The following SARNP variants were observed in gnomAD, a reference collection of about 807,000 sequenced individuals.
The protein encoded by SARNP is SAP domain containing ribonucleoprotein.
A neutral mutation model predicts 38.1 loss-of-function variants in SARNP; 5 were observed. The ratio of observed to expected loss-of-function variants is 0.13; its 90% CI spans 0.07 to 0.28. The LOEUF (loss-of-function observed/expected upper bound fraction) is 0.28, where lower values mean the gene tolerates loss of function less well. Ranked by LOEUF, SARNP falls within the 10% of genes least tolerant of loss-of-function variation. The probability of loss-of-function intolerance (pLI) is 1.00; values close to 1 mark genes in which losing one functional copy is unlikely to be tolerated. For missense variants in SARNP, 180 were observed against 243.9 expected (o/e 0.74, Z 1.75); for synonymous variants, 84 against 80.6 (o/e 1.04, Z -0.23).
chr12:55,761,415 T>C (rs1345724670), intron 9 of SARNP: 2 of 152,178 alleles, frequency 1.3e-5, no homozygotes, highest in Non-Finnish European at 2.9e-5. Context: ...AAAACTTATT[T>C]GCTTGAAACA....
intron 9 of SARNP, among the ~76,000 whole-genome samples, chr12:55,770,873 G>A (rs547135634): frequency 6.6e-6 from 1 of 152,046 alleles, no homozygotes; most frequent in South Asian, 2.1e-4. Context: ...TGCCAAAAGG[G>A]GTCCAATTTG....
intron 1 of SARNP, among the ~76,000 whole-genome samples, chr12:55,815,687 C>T (rs1210826208): frequency 6.6e-6 from 1 of 152,096 alleles, no homozygotes; most frequent in Non-Finnish European, 1.5e-5. Context: ...TGGTCTCGAA[C>T]TCCTGGCCTC....
chr12:55,808,546 C>G (rs1880226058), intron 1 of SARNP, among the ~76,000 whole-genome samples: 1 of 152,160 alleles, frequency 6.6e-6, no homozygotes, highest in Non-Finnish European at 1.5e-5. Context: ...ATCCACCCGC[C>G]TCGGCCTCCC....
At chr12:55,779,368 G>A (rs1411474483) in intron 9 of SARNP, among the ~76,000 whole-genome samples, 1 of 152,086 alleles carries the variant, frequency 6.6e-6, no homozygotes, top group Non-Finnish European at 1.5e-5. Flanking sequence ...GTTTTTCTTG[G>A]TCCCATGGCT....
rs1195709334 is a variant in SARNP at position 55,782,018 on chromosome 12, T to G, written c.501+7057A>C. On this transcript the variant is annotated intron_variant, in intron 9 of 10. Coordinates refer to ENST00000336133, the MANE Select transcript of SARNP (RefSeq NM_033082.4). ...TGTGCCCAGTCTAAACTTTTTATAT[T>G]GTGACACTGTGTTAACACAGATCAT... is the stretch of plus-strand genomic sequence containing the variant. 2.6e-5 allele frequency among the ~76,000 whole-genome samples: 4 copies of G among 152,306 alleles called. No homozygotes were observed. The East Asian group carries it at 5.8e-4, about 22-fold the overall frequency.
chr12:55,815,956 G>A (rs774985860), intron 1 of SARNP: 2 of 152,248 alleles, frequency 1.3e-5, no homozygotes, highest in Non-Finnish European at 2.9e-5. Flanking sequence ...AAAAAGCAAA[G>A]ACAAGCAAAT....
intron 7 of SARNP, chr12:55,793,209 G>A (rs1372275751): frequency 6.6e-6 from 1 of 152,208 alleles, no homozygotes; most frequent in Non-Finnish European, 1.5e-5. Context: ...TTGAACCTGG[G>A]AGGCAGAGGT....
intron 1 of SARNP, among the ~76,000 whole-genome samples, chr12:55,813,824 G>C (rs1390432338): frequency 4.6e-5 from 7 of 152,132 alleles, no homozygotes; most frequent in Non-Finnish European, 8.8e-5. Context: ...GATTACAAGC[G>C]TGAGCCACTG....
intron 10 of SARNP, 132 bp from the exon 11 acceptor site, chr12:55,757,685 G>T: frequency 1.7e-6 from 1 of 603,332 alleles, no homozygotes; most frequent in Non-Finnish European, 2.9e-6. Flanking sequence ...ACTTGAGCTT[G>T]GTAGCTAGAG....
Position 55,794,380 on chromosome 12 carries a change from T to C in SARNP, c.385A>G (p.Ile129Val). ...KKAARAARFGISSVPTKGLSS... is the reference protein window; with the variant it reads ...KKAARAARFGVSSVPTKGLSS... Reference sequence around the variant, plus strand: ...TTACCTTTTGTTGGAACTGAAGAAATCCCAAACCTGAAGAAGGAAAAACAA... The same window carrying C: ...TTACCTTTTGTTGGAACTGAAGAAACCCCAAACCTGAAGAAGGAAAAACAA... The change falls in exon 7 of 11, where the codon ATT (isoleucine) becomes GTT (valine). Residue 129 changes from isoleucine (I) to valine (V), a missense_variant. By Grantham distance (29) the Ile-to-Val change is conservative. Transcript: ENST00000336133. The C allele has an allele frequency of 1.2e-6, 2 of 1,606,626 alleles. No homozygotes were observed. The highest frequency in any genetic ancestry group is 1.7e-6 in the Non-Finnish European group (2 of 1,178,230).
At chr12:55,796,193 C>T in intron 4 of SARNP, 117 bp from the exon 5 acceptor site, 1 of 682,018 alleles carries the variant, frequency 1.5e-6, no homozygotes, top group Non-Finnish European at 2.5e-6. Flanking sequence ...CTCTGCCACC[C>T]CCTAAGCCAA....
chr12:55,795,274 T>TA (rs1171330043), intron 5 of SARNP, among the ~76,000 whole-genome samples: 1 of 152,152 alleles, frequency 6.6e-6, no homozygotes, highest in Non-Finnish European at 1.5e-5. Context: ...GTAGGTATCT[T>TA]AAAAACATCA....
intron 7 of SARNP, 196 bp downstream of exon 7, chr12:55,794,163 A>C (rs979633765): frequency 1.7e-6 from 1 of 581,782 alleles, no homozygotes; most frequent in South Asian, 2.1e-5. Context: ...CTATCCTCTC[A>C]TAACATTCAG....
chr12:55,795,117 G>A (rs1324097836), intron 5 of SARNP, among the ~76,000 whole-genome samples: 1 of 151,990 alleles, frequency 6.6e-6, no homozygotes, highest in Non-Finnish European at 1.5e-5. Flanking sequence ...GTGCCACTGT[G>A]CCCAGCTAAT....
chr12:55,770,599 A>AGTT (rs1878979078), intron 9 of SARNP, among the ~76,000 whole-genome samples: 6 of 152,076 alleles, frequency 3.9e-5, no homozygotes, highest in Non-Finnish European at 7.4e-5. Flanking sequence ...TATATACTGT[A>AGTT]GCCAGGAAGT....
chr12:55,766,616 C>CGGG (rs58583137), intron 9 of SARNP, among the ~76,000 whole-genome samples: 50 of 38,106 alleles, frequency 1.3e-3, no homozygotes, highest in African/African-American at 2.2e-3. Context: ...GTTTTTTTGG[C>CGGG]GGGGGGGGGG....
At position 55,817,676 on chromosome 12, in the gene SARNP, T is replaced by G. The variant is rs1240209370; in HGVS notation, c.26A>C (p.His9Pro). 1 of 1,612,980 alleles carries G rather than the reference T, an allele frequency of 6.2e-7. No individual in the cohort carries two copies. The highest frequency in any genetic ancestry group is 1.3e-5 in the African/African-American group (1 of 74,888). Reference sequence around the variant, plus strand: ...CCCGATTCACGGTACCTTTAGCTTATGGAGCTCCACCGTCTCGGTCGCCAT... The same window carrying G: ...CCCGATTCACGGTACCTTTAGCTTAGGGAGCTCCACCGTCTCGGTCGCCAT... MATETVEL[H>P]KLKLAELKQE... The change falls in exon 1 of 11, where the codon CAT becomes CCT. Residue 9 changes from histidine to proline, a missense_variant. Physicochemically the swap from His to Pro is moderately conservative, Grantham distance 77. This residue lies in a region of SARNP where 161 missense variants were observed against 194.1 expected (regional missense o/e 0.83). Coordinates refer to ENST00000336133, the MANE Select transcript of SARNP (RefSeq NM_033082.4).
At chr12:55,812,487 T>C (rs1317607885) in intron 1 of SARNP, among the ~76,000 whole-genome samples, 1 of 152,226 alleles carries the variant, frequency 6.6e-6, no homozygotes, top group African/African-American at 2.4e-5. Context: ...TGCTCCATAT[T>C]TTCTGAATAA....
chr12:55,783,725 A>G (rs1879406264), intron 9 of SARNP, among the ~76,000 whole-genome samples: 1 of 152,168 alleles, frequency 6.6e-6, no homozygotes, highest in South Asian at 2.1e-4. Flanking sequence ...TAGCAGACTC[A>G]GGTTCTTAAA....
Sources: allele counts gnomAD v4.1 joint callset (sites outside exome capture counted in the v4.1 genomes callset), GRCh38; gene constraint gnomAD v4.1.1; regional missense constraint gnomAD v4.1.1; transcripts MANE v1.5; gene names NCBI Gene and HGNC (gene_info 2026-07-23, HGNC 2026-07-21).